The following CCDC180 variants were observed in gnomAD, a reference collection of about 807,000 sequenced individuals.
The protein encoded by CCDC180 is coiled-coil domain-containing protein 180.
Under a neutral mutation model 209.2 loss-of-function variants are expected in CCDC180, and 154 were observed. That is an observed-to-expected ratio of 0.74 (90% CI 0.65 to 0.84). The LOEUF is 0.84. CCDC180 is among the 40% of genes least tolerant of loss of function. The probability of loss-of-function intolerance (pLI) is 0.00; values close to 1 mark genes in which losing one functional copy is unlikely to be tolerated. For missense variants in CCDC180, 1,874 were observed against 1,997.3 expected, an observed-to-expected ratio of 0.94 and a Z score of 1.18; for synonymous variants, 778 against 749.1, an observed-to-expected ratio of 1.04 and a Z score of -0.63.
intron 24 of CCDC180, 46 bp from the exon 25 acceptor site, chr9:97,357,581 C>T: frequency 7.9e-7 from 1 of 1,270,386 alleles, no homozygotes; most frequent in Non-Finnish European, 1.1e-6. Context: ...TCCCAGATCA[C>T]AATATGTATT....
chr9:97,363,714 C>A, intron 28 of CCDC180: 2 of 492,342 alleles, frequency 4.1e-6, no homozygotes, highest in East Asian at 4.9e-5. Flanking sequence ...ATCTGGCAAC[C>A]CTACCTGTGG....
chr9:97,356,527 C>G (rs1437776786), intron 24 of CCDC180, among the ~76,000 whole-genome samples: 2 of 152,224 alleles, frequency 1.3e-5, no homozygotes, highest in African/African-American at 4.8e-5. Context: ...AAGGCAGGCT[C>G]TGGTGGAGGC....
At chr9:97,351,784 C>G (rs1587821370) in intron 22 of CCDC180, among the ~76,000 whole-genome samples, 3 of 152,230 alleles carry the variant, frequency 2.0e-5, no homozygotes, top group East Asian at 3.9e-4. Flanking sequence ...AATAAAGGAA[C>G]CTCCTTTCCA....
Position 97,361,914 on chromosome 9 carries a change from G to T in CCDC180, c.3656+16G>T. 2.5e-6 allele frequency: 4 copies of T among 1,612,566 alleles called. No homozygotes were observed. Among genetic ancestry groups the T allele is most frequent in the Non-Finnish European group, 3.4e-6 (4 of 1,179,406 alleles). The stretch of plus-strand genomic sequence containing the variant: ...AGCTCCTGCAGTGAGTGGCCCCAGG[G>T]TGCACCTAAGGCTCTGCCACCCCTG... On this transcript the variant is annotated intron_variant, in intron 27 of 36. Coordinates refer to ENST00000529487, the MANE Select transcript of CCDC180 (RefSeq NM_020893.6).
At chr9:97,330,809 T>C in intron 18 of CCDC180, 42 bp downstream of exon 18, 1 of 1,551,616 alleles carries the variant, frequency 6.4e-7, no homozygotes, top group South Asian at 1.2e-5. Flanking sequence ...AGAGAAAGTT[T>C]GCTATGCTCA....
At chr9:97,355,069 G>C in intron 24 of CCDC180, 61 bp downstream of exon 24, 1 of 1,119,844 alleles carries the variant, frequency 8.9e-7, no homozygotes. Context: ...ACCAGGCACT[G>C]TCCCCGGTGC....
Position 97,347,379 on chromosome 9 carries a change from T to A in CCDC180, c.2564T>A (p.Val855Asp), listed in dbSNP as rs919662045. The change falls in exon 20 of 37, where the codon GTC becomes GAC. Residue 855 changes from valine to aspartate, a missense_variant. Physicochemically the swap from Val to Asp is radical, Grantham distance 152. Coordinates refer to ENST00000529487, the MANE Select transcript of CCDC180 (RefSeq NM_020893.6). The part of the protein sequence containing the change: ...WFDQCSLNTR[V>D]TVATKINELD... Reference sequence around the variant, plus strand: ...GACCAGTGTTCCCTCAACACCCGGGTCACCGTGGCCACCAAAATCAATGAG... The same window carrying A: ...GACCAGTGTTCCCTCAACACCCGGGACACCGTGGCCACCAAAATCAATGAG... 13 of 1,535,960 alleles carry A rather than the reference T, an allele frequency of 8.5e-6. No individual in the cohort carries two copies. Among genetic ancestry groups the A allele is most frequent in the African/African-American group, 1.4e-5 (1 of 73,022 alleles).
intron 8 of CCDC180, 75 bp from the exon 9 acceptor site, chr9:97,316,990 C>T (rs1325196569): frequency 9.2e-6 from 13 of 1,413,548 alleles, no homozygotes; most frequent in Middle Eastern, 1.8e-4. Context: ...TCCCACTGCT[C>T]CTCTCTAACT....
At chr9:97,361,674 C>A in intron 26 of CCDC180, 52 bp from the exon 27 acceptor site, 1 of 1,581,120 alleles carries the variant, frequency 6.3e-7, no homozygotes, top group Non-Finnish European at 8.6e-7. Context: ...TGCTGCCTCG[C>A]TGGCACCTGG....
intron 19 of CCDC180, among the ~76,000 whole-genome samples, chr9:97,345,222 G>A (rs889640794): frequency 2.4e-4 from 36 of 152,152 alleles, no homozygotes; most frequent in Non-Finnish European, 4.4e-4. Context: ...ACTAAGAGTG[G>A]AACTGTTGAC....
At chr9:97,365,555 A>C (rs1374545202) in intron 29 of CCDC180, 118 bp from the exon 30 acceptor site, 2 of 841,542 alleles carry the variant, frequency 2.4e-6, no homozygotes, top group Non-Finnish European at 4.1e-6. Flanking sequence ...AGCAGTGAGT[A>C]ATTTCAAGGA....
chr9:97,342,750 T>C (rs1826124461), intron 18 of CCDC180, among the ~76,000 whole-genome samples: 1 of 152,248 alleles, frequency 6.6e-6, no homozygotes, highest in African/African-American at 2.4e-5. Context: ...TTCACCTTGG[T>C]CTGTTTATTT....
At chr9:97,364,423 C>T (rs1432450333) in intron 29 of CCDC180, 8 of 354,468 alleles carry the variant, frequency 2.3e-5, no homozygotes, top group Non-Finnish European at 4.1e-5. Context: ...TTTTTCAGTG[C>T]TTTCCCCCAT....
At chr9:97,361,291 A>G (rs575581510) in intron 26 of CCDC180, among the ~76,000 whole-genome samples, 1 of 152,226 alleles carries the variant, frequency 6.6e-6, no homozygotes, top group Non-Finnish European at 1.5e-5. Context: ...GACCGGGCAC[A>G]TCTGCAGGTC....
rs1826902227 is a variant in CCDC180, at chr9:97,365,745, G to A, written c.4047+6G>A. The A allele has an allele frequency of 2.5e-6, 4 of 1,613,558 alleles. No homozygotes were observed. The highest frequency in any genetic ancestry group is 3.4e-6 in the Non-Finnish European group (4 of 1,179,822). ...ACCTGCTGACAGTCGCAGAGGTGAGGACCACCACCCATGGCCTGTGCCTGC... is the reference window on the plus strand; with the variant it reads ...ACCTGCTGACAGTCGCAGAGGTGAGAACCACCACCCATGGCCTGTGCCTGC... On this transcript the variant is annotated splice_donor_region_variant and intron_variant, in intron 30 of 36. Coordinates refer to ENST00000529487, the MANE Select transcript of CCDC180 (RefSeq NM_020893.6).
intron 24 of CCDC180, 89 bp downstream of exon 24, chr9:97,355,097 C>A: frequency 1.2e-6 from 1 of 820,978 alleles, no homozygotes. Flanking sequence ...CCATTGTGGT[C>A]TCTGTCCCGT....
intron 1 of CCDC180, 77 bp from the exon 2 acceptor site, chr9:97,307,906 G>T: frequency 6.3e-7 from 1 of 1,587,884 alleles, no homozygotes; most frequent in Non-Finnish European, 8.6e-7. Context: ...TCCTGCCCTG[G>T]GGTGCCGCCT....
At position 97,330,776 on chromosome 9, in the gene CCDC180, G is replaced by A; in HGVS notation, c.2274+9G>A. The A allele has an allele frequency of 6.3e-7, 1 of 1,588,352 alleles. No individual in the cohort carries two copies. Among genetic ancestry groups the A allele is most frequent in the Non-Finnish European group, 8.5e-7 (1 of 1,174,594 alleles). ...GTTTATCTGTGGGTGAGGTAAGCCA[G>A]CAACTGATTCATTCTTGGGCATAGA... On this transcript the variant is annotated intron_variant, in intron 18 of 36. Transcript: ENST00000529487.
At chr9:97,353,955 C>G (rs1826493035) in intron 22 of CCDC180, among the ~76,000 whole-genome samples, 1 of 151,396 alleles carries the variant, frequency 6.6e-6, no homozygotes, top group African/African-American at 2.4e-5. Context: ...GTGCTGCCCA[C>G]ATTCCAAGCT....
Sources: allele counts gnomAD v4.1 joint callset (sites outside exome capture counted in the v4.1 genomes callset), GRCh38; gene constraint gnomAD v4.1.1; transcripts MANE v1.5; gene names NCBI Gene and HGNC (gene_info 2026-07-23, HGNC 2026-07-21).